Variants in ITGA1 observed in about 807,000 individuals in gnomAD.
ITGA1 encodes integrin subunit alpha 1, also known as integrin alpha-1.
ITGA1 carries 85 observed loss-of-function variants against 145.9 expected under a neutral mutation model. The observed-to-expected ratio is 0.58, with a 90% CI of 0.49 to 0.70. The LOEUF (loss-of-function observed/expected upper bound fraction) is 0.70, where lower values mean the gene tolerates loss of function less well. Ranked by LOEUF, ITGA1 falls within the 30% of genes least tolerant of loss-of-function variation. ITGA1 has a pLI of 0.00. For missense variants in ITGA1, 1,351 were observed against 1,418.7 expected, an observed-to-expected ratio of 0.95 and a Z score of 0.77; for synonymous variants, 520 against 495.3, an observed-to-expected ratio of 1.05 and a Z score of -0.66.
chr5:52,850,959 C>T (rs975635360), intron 2 of ITGA1, among the ~76,000 whole-genome samples: 9 of 152,060 alleles, frequency 5.9e-5, no homozygotes, highest in Non-Finnish European at 1.0e-4. Context: ...AGACTTTGTG[C>T]GTAAGCTATA....
At chr5:52,898,846 ACTT>A (rs1431667163) in intron 11 of ITGA1, among the ~76,000 whole-genome samples, 6 of 152,166 alleles carry the variant, frequency 3.9e-5, no homozygotes, top group African/African-American at 1.4e-4. Context: ...TTGTCATGTA[ACTT>A]CTTCTTTAAT....
chr5:52,927,679 C>G lies in ITGA1; in HGVS notation c.2694+15C>G, dbSNP rs1291276868. 6.7e-7 allele frequency: 1 copy of G among 1,484,400 alleles called. No individual in the cohort carries two copies. The highest frequency in any genetic ancestry group is 2.3e-5 in the East Asian group (1 of 44,188). The allele number at this position is 1,484,400 out of a possible 1,614,324, so 92.0% of individuals were successfully genotyped here. ...GAGGAGAGATGGTGAGCAGATCATA[C>G]AAAATACATGTAGAAATTGAATATG... On this transcript the variant is annotated intron_variant, in intron 20 of 28. Transcript: ENST00000282588.
In ITGA1 at chr5:52,864,810, T is replaced by C; in HGVS notation, c.343T>C (p.Phe115Leu). The change falls in exon 4 of 29, where the codon TTT becomes CTT. Residue 115 changes from phenylalanine to leucine, a missense_variant. Phe to Leu is a conservative substitution (Grantham distance 22, BLOSUM62 0). Coordinates refer to ENST00000282588, the MANE Select transcript of ITGA1 (RefSeq NM_181501.2). ...CACAGAAGTAAAGGAGAACATGACATTTGGATCAACTTTAGTCACCAACCC... is the reference window on the plus strand; with the variant it reads ...CACAGAAGTAAAGGAGAACATGACACTTGGATCAACTTTAGTCACCAACCC... ...NVTEVKENMT[F>L]GSTLVTNPNG... 5.0e-6 allele frequency: 8 copies of C among 1,613,040 alleles called. No individual in the cohort carries two copies. Among genetic ancestry groups the C allele is most frequent in the Non-Finnish European group, 5.9e-6 (7 of 1,179,216 alleles).
chr5:52,859,152 G>A (rs1031405310), intron 2 of ITGA1, among the ~76,000 whole-genome samples: 1 of 152,076 alleles, frequency 6.6e-6, no homozygotes, highest in African/African-American at 2.4e-5. Flanking sequence ...TAGTAATTTG[G>A]TGTCTTTCAT....
chr5:52,885,263 G>A (rs925854995), intron 7 of ITGA1, among the ~76,000 whole-genome samples: 1 of 152,086 alleles, frequency 6.6e-6, no homozygotes, highest in African/African-American at 2.4e-5. Context: ...TGATTCTCTA[G>A]CCCCTCAATC....
At chr5:52,872,298 C>T (rs537635422) in intron 6 of ITGA1, among the ~76,000 whole-genome samples, 2 of 152,198 alleles carry the variant, frequency 1.3e-5, no homozygotes, top group East Asian at 3.9e-4. Context: ...TGTCAGTCTG[C>T]TTACAGTTTC....
intron 1 of ITGA1, among the ~76,000 whole-genome samples, chr5:52,810,961 A>G (rs1748675767): frequency 6.6e-6 from 1 of 152,226 alleles, no homozygotes; most frequent in African/African-American, 2.4e-5. Flanking sequence ...ACAGATTCAC[A>G]TATGTTCTTC....
rs1749258258 is a variant in ITGA1 at position 52,841,876 on chromosome 5, C to T, written c.62-7489C>T. On this transcript the variant is annotated intron_variant, in intron 1 of 28. Coordinates refer to ENST00000282588, the MANE Select transcript of ITGA1 (RefSeq NM_181501.2). ...ACCATGTGAATGGGGTGAATTAACT[C>T]TTTCCACCAGGAGGCTTTGGCAAGA... Among the ~76,000 whole-genome samples, 4 of 151,876 alleles carry T rather than the reference C, an allele frequency of 2.6e-5. No homozygotes were observed. The South Asian group carries it at 8.3e-4, about 32-fold the overall frequency.
intron 1 of ITGA1, among the ~76,000 whole-genome samples, chr5:52,789,362 G>C (rs561279428): frequency 2.0e-5 from 3 of 152,118 alleles, no homozygotes; most frequent in Non-Finnish European, 4.4e-5. Flanking sequence ...CAATTGTTCA[G>C]TGTTTTTACT....
chr5:52,929,727 T>C, intron 21 of ITGA1, 26 bp downstream of exon 21: 3 of 1,102,012 alleles, frequency 2.7e-6, no homozygotes, highest in Non-Finnish European at 4.1e-6. Context: ...TATAAATGTA[T>C]GTATATGAAT....
intron 23 of ITGA1, 29 bp from the exon 24 acceptor site, chr5:52,937,372 A>G: frequency 7.2e-7 from 1 of 1,389,218 alleles, no homozygotes; most frequent in Non-Finnish European, 1.0e-6. Context: ...AAGAGGAAGA[A>G]AGATTACATT....
At chr5:52,849,543 T>C (rs1381051816) in intron 2 of ITGA1, 58 bp downstream of exon 2, 2 of 1,360,548 alleles carry the variant, frequency 1.5e-6, no homozygotes, top group African/African-American at 2.9e-5. Flanking sequence ...ATGAGAAATA[T>C]TATTTGACTA....
Position 52,897,404 on chromosome 5 carries a change from G to A in ITGA1, c.1091-51G>A, listed in dbSNP as rs138883029. 226 of 1,211,270 alleles carry A rather than the reference G, an allele frequency of 1.9e-4. No individual in the cohort carries two copies. In the African/African-American group the frequency reaches 3.0e-3, roughly 16 times the overall value. 75.0% of individuals were successfully genotyped at this position (1,211,270 alleles called of 1,614,324 possible). ...TATCTGTATTCTGCAAGTCAGTAGT[G>A]CATGAAAAGGCATTGTTACTTATTT... On this transcript the variant is annotated intron_variant, in intron 9 of 28. Coordinates refer to ENST00000282588, the MANE Select transcript of ITGA1 (RefSeq NM_181501.2).
intron 2 of ITGA1, among the ~76,000 whole-genome samples, chr5:52,855,692 G>A (rs1322735601): frequency 1.3e-5 from 2 of 152,154 alleles, no homozygotes; most frequent in African/African-American, 4.8e-5. Flanking sequence ...GAGAATGCTG[G>A]AGATTCCTGA....
At chr5:52,940,290 G>A (rs1263933870) in intron 26 of ITGA1, among the ~76,000 whole-genome samples, 1 of 151,280 alleles carries the variant, frequency 6.6e-6, no homozygotes, top group Non-Finnish European at 1.5e-5. Flanking sequence ...ATAATAAAGT[G>A]GCAACCCTTG....
At chr5:52,945,435 G>A (rs1366378375) in intron 27 of ITGA1, among the ~76,000 whole-genome samples, 1 of 152,064 alleles carries the variant, frequency 6.6e-6, no homozygotes, top group African/African-American at 2.4e-5. Flanking sequence ...CCTTTATACT[G>A]TACAGGAAAA....
chr5:52,928,309 T>G (rs951834806), intron 20 of ITGA1, among the ~76,000 whole-genome samples: 1 of 152,182 alleles, frequency 6.6e-6, no homozygotes, highest in Non-Finnish European at 1.5e-5. Flanking sequence ...TGGAGTCTCC[T>G]AGGTAGTAGG....
chr5:52,874,720 A>G (rs534350108), intron 6 of ITGA1, among the ~76,000 whole-genome samples: 3 of 152,300 alleles, frequency 2.0e-5, no homozygotes, highest in South Asian at 2.1e-4. Context: ...AGGTGTCAAG[A>G]GCAATAAAAA....
chr5:52,805,459 A>T (rs1470609498), intron 1 of ITGA1, among the ~76,000 whole-genome samples: 1 of 152,152 alleles, frequency 6.6e-6, no homozygotes, highest in Non-Finnish European at 1.5e-5. Context: ...GAATGAACAG[A>T]AGTCAACAGG....
Sources: gnomAD v4.1 joint callset for allele counts (sites outside exome capture counted in the v4.1 genomes callset) on GRCh38, gnomAD v4.1.1 for gene constraint, MANE v1.5 for transcripts, NCBI Gene and HGNC (gene_info 2026-07-23, HGNC 2026-07-21) for gene names.